The following HSD17B4 variants were observed in gnomAD, a reference collection of about 807,000 sequenced individuals.
The protein encoded by HSD17B4 is peroxisomal multifunctional enzyme type 2.
Under a neutral mutation model 101.0 loss-of-function variants are expected in HSD17B4, and 70 were observed. The observed-to-expected ratio is 0.69, with a 90% CI of 0.57 to 0.85. The LOEUF is 0.85. HSD17B4 is among the 40% of genes least tolerant of loss of function. The pLI is 0.00. For synonymous variants in HSD17B4, 347 were observed against 297.1 expected, an observed-to-expected ratio of 1.17 and a Z score of -1.73; for missense variants, 984 against 892.4, an observed-to-expected ratio of 1.10 and a Z score of -1.31.
chr5:119,509,495 G>A, intron 16 of HSD17B4: 1 of 615,234 alleles, frequency 1.6e-6, no homozygotes, highest in Non-Finnish European at 2.9e-6. Context: ...TTACTGAATA[G>A]TAAATATTCT....
chr5:119,502,052 A>C lies in HSD17B4; in HGVS notation c.1221A>C (p.Gly407=), dbSNP rs2126790105. ...LSINFAKVLH[G]EQYLELYKPL... ...TTACCCTAACATAGGTTCTTCATGGAGAGCAGTACTTAGAGTTATATAAAC... is the reference window on the plus strand; with the variant it reads ...TTACCCTAACATAGGTTCTTCATGGCGAGCAGTACTTAGAGTTATATAAAC... The change falls in exon 14 of 24, where the codon GGA becomes GGC. Residue 407 remains glycine, a synonymous_variant. Transcript: ENST00000510025. The C allele has an allele frequency of 6.2e-7, 1 of 1,604,658 alleles. No homozygotes were observed. Among genetic ancestry groups the C allele is most frequent in the Non-Finnish European group, 8.5e-7 (1 of 1,171,542 alleles).
chr5:119,453,730 C>G (rs1027908577), intron 1 of HSD17B4, among the ~76,000 whole-genome samples: 2 of 152,170 alleles, frequency 1.3e-5, no homozygotes, highest in African/African-American at 4.8e-5. Flanking sequence ...TGATGAATAG[C>G]CAAGTATTTT....
At chr5:119,506,381 G>A (rs905290357) in intron 14 of HSD17B4, among the ~76,000 whole-genome samples, 2 of 152,180 alleles carry the variant, frequency 1.3e-5, no homozygotes, top group South Asian at 2.1e-4. Flanking sequence ...ATTCCATGGT[G>A]TATATGTGCC....
At chr5:119,538,194 A>G (rs1480098549) in intron 23 of HSD17B4, among the ~76,000 whole-genome samples, 5 of 152,148 alleles carry the variant, frequency 3.3e-5, no homozygotes, top group South Asian at 4.1e-4. Context: ...ACCATCATCT[A>G]TTTACCCAAA....
At chr5:119,460,138 G>A (rs940569191) in intron 2 of HSD17B4, among the ~76,000 whole-genome samples, 1 of 151,030 alleles carries the variant, frequency 6.6e-6, no homozygotes, top group African/African-American at 2.4e-5. Context: ...GCCTCCCAAA[G>A]TGCAGGGATT....
chr5:119,456,741 A>C (rs540757688), intron 2 of HSD17B4: 4 of 252,082 alleles, frequency 1.6e-5, no homozygotes, highest in Admixed American at 5.1e-5. Flanking sequence ...CGCAAAAAAA[A>C]CCCTGTTTCT....
intron 8 of HSD17B4, 39 bp downstream of exon 8, chr5:119,479,060 A>G (rs1396761407): frequency 6.9e-7 from 1 of 1,439,986 alleles, no homozygotes; most frequent in Non-Finnish European, 9.8e-7. Flanking sequence ...GCTGTTACTT[A>G]CAAACCTATG....
intron 10 of HSD17B4, chr5:119,492,824 T>C (rs1176055263): frequency 6.6e-6 from 1 of 152,136 alleles, no homozygotes; most frequent in Non-Finnish European, 1.5e-5. Flanking sequence ...AGAATTGCTT[T>C]ATGGCATTAA....
At position 119,518,995 on chromosome 5, in the gene HSD17B4, C is replaced by G. The variant is rs772059029; in HGVS notation, c.1503+3949C>G. On this transcript the variant is annotated intron_variant, in intron 17 of 23. Transcript: ENST00000510025. ...TAATAATAATAATAAAAAAATTAGC[C>G]GAGCATGGTGGCATACGCCTATTGT... Among the ~76,000 whole-genome samples, 3 of 151,970 alleles carry G rather than the reference C, an allele frequency of 2.0e-5. No individual in the cohort carries two copies. The South Asian group carries it at 6.2e-4, about 32-fold the overall frequency.
intron 23 of HSD17B4, among the ~76,000 whole-genome samples, chr5:119,536,985 G>A (rs1459247510): frequency 1.3e-5 from 2 of 152,026 alleles, no homozygotes; most frequent in Admixed American, 6.6e-5. Flanking sequence ...CTTCTGTGAC[G>A]ATTATTTAGT....
At chr5:119,502,322 T>C (rs1751244483) in intron 14 of HSD17B4, among the ~76,000 whole-genome samples, 1 of 152,174 alleles carries the variant, frequency 6.6e-6, no homozygotes, top group African/African-American at 2.4e-5. Flanking sequence ...TTTATCTCTG[T>C]TGATGTATGT....
At chr5:119,535,377 C>G (rs571487199) in intron 22 of HSD17B4, among the ~76,000 whole-genome samples, 191 of 151,984 alleles carry the variant, frequency 1.3e-3, no homozygotes, top group Non-Finnish European at 2.3e-3. Context: ...TGATCAGGGT[C>G]CCATCTGGGA....
At chr5:119,466,536 G>A (rs1327688316) in intron 2 of HSD17B4, among the ~76,000 whole-genome samples, 1 of 152,058 alleles carries the variant, frequency 6.6e-6, no homozygotes, top group African/African-American at 2.4e-5. Context: ...TTGAATCTTG[G>A]TAGTAGGTCA....
At chr5:119,471,800 A>G in intron 2 of HSD17B4, 1 of 619,812 alleles carries the variant, frequency 1.6e-6, no homozygotes, top group Non-Finnish European at 2.7e-6. Context: ...TTCATAAATT[A>G]TTGTGTAAAT....
At chr5:119,502,925 A>C (rs914452708) in intron 14 of HSD17B4, among the ~76,000 whole-genome samples, 1 of 152,166 alleles carries the variant, frequency 6.6e-6, no homozygotes, top group African/African-American at 2.4e-5. Context: ...GCATTGATCA[A>C]ATATCTGCTG....
chr5:119,530,189 C>G (rs1753944945), intron 21 of HSD17B4: 1 of 542,410 alleles, frequency 1.8e-6, no homozygotes, highest in Admixed American at 3.2e-5. Flanking sequence ...TTGCAGGATA[C>G]TAGGATATCT....
At chr5:119,506,521 G>C (rs914175920) in intron 14 of HSD17B4, among the ~76,000 whole-genome samples, 1 of 152,092 alleles carries the variant, frequency 6.6e-6, no homozygotes, top group African/African-American at 2.4e-5. Context: ...TAATCCTTTG[G>C]GTACATACCC....
In HSD17B4 at chr5:119,499,599, A is replaced by G. The variant is rs765049764; in HGVS notation, c.1209+46A>G. On this transcript the variant is annotated intron_variant, in intron 13 of 23. Transcript: ENST00000510025. ...TTATTTTGCTTTTCTATTTCTGTAAATATTATTCATTAATGTCATATCTTA... is the reference window on the plus strand; with the variant it reads ...TTATTTTGCTTTTCTATTTCTGTAAGTATTATTCATTAATGTCATATCTTA... 14 of 1,043,046 alleles carry G rather than the reference A, an allele frequency of 1.3e-5. No individual in the cohort carries two copies. In the African/African-American group the frequency reaches 1.9e-4, roughly 14 times the overall value. 64.6% of individuals were successfully genotyped at this position (1,043,046 alleles called of 1,614,324 possible).
chr5:119,473,950 C>T lies in HSD17B4; in HGVS notation c.155C>T (p.Ser52Phe). The T allele has an allele frequency of 6.2e-7, 1 of 1,612,800 alleles. No individual in the cohort carries two copies. Among genetic ancestry groups the T allele is most frequent in the Non-Finnish European group, 8.5e-7 (1 of 1,178,856 alleles). The change falls in exon 3 of 24, where the codon TCC becomes TTC. Residue 52 changes from serine to phenylalanine, a missense_variant. Coordinates refer to ENST00000510025, the MANE Select transcript of HSD17B4 (RefSeq NM_000414.4). Reference sequence around the variant, plus strand: ...GACTTCAAAGGAGTTGGTAAAGGCTCCTTAGCTGCTGATAAGGTTGTTGAA... The same window carrying T: ...GACTTCAAAGGAGTTGGTAAAGGCTTCTTAGCTGCTGATAAGGTTGTTGAA... ...GGDFKGVGKG[S>F]LAADKVVEEI...
Sources: gnomAD v4.1 joint callset for allele counts (sites outside exome capture counted in the v4.1 genomes callset) on GRCh38, gnomAD v4.1.1 for gene constraint, MANE v1.5 for transcripts, NCBI Gene and HGNC (gene_info 2026-07-23, HGNC 2026-07-21) for gene names.